The following ADAMTSL1 variants were observed in gnomAD, a reference collection of about 807,000 sequenced individuals.
The protein encoded by ADAMTSL1 is ADAMTS like 1.
In ADAMTSL1, 126 loss-of-function variants were observed where a neutral mutation model predicts 201.8. The observed-to-expected ratio is 0.62, with a 90% CI of 0.54 to 0.72. The LOEUF is 0.72. ADAMTSL1 is among the 30% of genes least tolerant of loss of function. ADAMTSL1 has a pLI of 0.00. For synonymous variants in ADAMTSL1, 1,121 were observed against 903.4 expected (o/e 1.24, Z -4.32); for missense variants, 2,679 against 2,277.8 (o/e 1.18, Z -3.59).
intron 3 of ADAMTSL1, among the ~76,000 whole-genome samples, chr9:18,546,033 A>G (rs901392247): frequency 1.3e-5 from 2 of 152,182 alleles, no homozygotes; most frequent in African/African-American, 4.8e-5. Context: ...AAGGGCCATT[A>G]TTTAATTAGT....
At chr9:18,363,270 A>G (rs1043331194) in intron 2 of ADAMTSL1, among the ~76,000 whole-genome samples, 1 of 152,200 alleles carries the variant, frequency 6.6e-6, no homozygotes, top group Non-Finnish European at 1.5e-5. Flanking sequence ...TCCTGCCACA[A>G]ATTGTTGGCC....
Position 18,018,322 on chromosome 9 carries a change from T to C in ADAMTSL1, c.87+111400T>C, listed in dbSNP as rs114431125. Among the ~76,000 whole-genome samples the C allele has an allele frequency of 7.9e-3, 1,210 of 152,204 alleles. 14 individuals are homozygous for C. The highest frequency in any genetic ancestry group is 0.028 in the African/African-American group (1,165 of 41,558). ...AATCTTCATACAGACTCTGAGACAG[T>C]GTAGCAGACAACCTTTAAGACTGTC... On this transcript the variant is annotated intron_variant, in intron 1 of 29. Coordinates refer to the ADAMTSL1 transcript ENST00000680146.
chr9:18,429,846 G>A (rs1354898704), intron 2 of ADAMTSL1, among the ~76,000 whole-genome samples: 1 of 152,044 alleles, frequency 6.6e-6, no homozygotes, highest in Non-Finnish European at 1.5e-5. Flanking sequence ...CTGGAGTGCA[G>A]TGGTGCTATG....
intron 3 of ADAMTSL1, among the ~76,000 whole-genome samples, chr9:18,552,405 G>A (rs372721691): frequency 1.3e-5 from 2 of 151,498 alleles, no homozygotes; most frequent in Non-Finnish European, 1.5e-5. Context: ...TTTATTAATC[G>A]CTAACAATTG....
chr9:18,182,598 A>C (rs1384326185), intron 2 of ADAMTSL1, among the ~76,000 whole-genome samples: 2 of 152,202 alleles, frequency 1.3e-5, no homozygotes, highest in Non-Finnish European at 2.9e-5. Context: ...GTGAGAGATA[A>C]ATGGTTGAAC....
intron 1 of ADAMTSL1, among the ~76,000 whole-genome samples, chr9:18,494,361 A>G (rs1822420031): frequency 6.6e-6 from 1 of 152,096 alleles, no homozygotes; most frequent in Non-Finnish European, 1.5e-5. Context: ...AAAAAAAAAA[A>G]AACCAGGCCA....
At chr9:18,006,666 G>A (rs908098152) in intron 1 of ADAMTSL1, among the ~76,000 whole-genome samples, 1 of 151,978 alleles carries the variant, frequency 6.6e-6, no homozygotes. Flanking sequence ...TGAGGAGCTT[G>A]GATGGATTTG....
At chr9:18,346,135 T>A (rs1835703214) in intron 2 of ADAMTSL1, among the ~76,000 whole-genome samples, 1 of 152,320 alleles carries the variant, frequency 6.6e-6, no homozygotes, top group Admixed American at 6.5e-5. Flanking sequence ...TTTGTTTAAA[T>A]TTAACAAACA....
chr9:18,603,943 T>C (rs1239059294), intron 4 of ADAMTSL1, among the ~76,000 whole-genome samples: 1 of 152,234 alleles, frequency 6.6e-6, no homozygotes, highest in East Asian at 1.9e-4. Context: ...AGGCAATCTT[T>C]ACTTTCTGCA....
chr9:17,973,201 G>T (rs1009842602), intron 1 of ADAMTSL1, among the ~76,000 whole-genome samples: 5 of 151,506 alleles, frequency 3.3e-5, no homozygotes, highest in Admixed American at 6.6e-5. Context: ...GGCTTTTGTT[G>T]CCATTCCTTT....
At chr9:18,501,815 T>C (rs1479101789) in intron 1 of ADAMTSL1, among the ~76,000 whole-genome samples, 3 of 152,344 alleles carry the variant, frequency 2.0e-5, no homozygotes, top group East Asian at 3.9e-4. Flanking sequence ...AATAGACCTA[T>C]GACTTGCTTC....
At chr9:18,024,623 T>A (rs1820618855) in intron 1 of ADAMTSL1, among the ~76,000 whole-genome samples, 1 of 152,156 alleles carries the variant, frequency 6.6e-6, no homozygotes, top group African/African-American at 2.4e-5. Context: ...CATATAGTAT[T>A]CCACGGTGTA....
chr9:18,012,801 C>A (rs538692898), intron 1 of ADAMTSL1, among the ~76,000 whole-genome samples: 1 of 151,920 alleles, frequency 6.6e-6, no homozygotes, highest in Non-Finnish European at 1.5e-5. Context: ...TTTCTTGCTT[C>A]TCCTTAAATA....
chr9:17,980,867 G>A (rs1317844616), intron 1 of ADAMTSL1, among the ~76,000 whole-genome samples: 1 of 152,148 alleles, frequency 6.6e-6, no homozygotes. Context: ...CTTCTGATAG[G>A]GGCTTCAGGC....
At chr9:18,105,401 G>T (rs761593630) in intron 1 of ADAMTSL1, among the ~76,000 whole-genome samples, 47 of 152,110 alleles carry the variant, frequency 3.1e-4, no homozygotes, top group Non-Finnish European at 6.3e-4. Flanking sequence ...CCAACGACCA[G>T]TTCATGTTTT....
chr9:17,929,125 T>G (rs961258724), intron 1 of ADAMTSL1, among the ~76,000 whole-genome samples: 12 of 152,284 alleles, frequency 7.9e-5, no homozygotes, highest in African/African-American at 2.6e-4. Context: ...TTCTAACCTT[T>G]TTAAATATAA....
intron 2 of ADAMTSL1, among the ~76,000 whole-genome samples, chr9:18,360,887 AC>A (rs1469176032): frequency 6.6e-6 from 1 of 152,096 alleles, no homozygotes; most frequent in Non-Finnish European, 1.5e-5. Flanking sequence ...GGACTCCAAA[AC>A]AACCATTTTT....
At chr9:18,781,111 T>G (rs1821366256) in intron 19 of ADAMTSL1, among the ~76,000 whole-genome samples, 1 of 152,112 alleles carries the variant, frequency 6.6e-6, no homozygotes, top group Non-Finnish European at 1.5e-5. Context: ...CTCCAATGGC[T>G]TTAAGATGGA....
chr9:18,850,401 C>T (rs1012745954), intron 23 of ADAMTSL1, among the ~76,000 whole-genome samples: 7 of 152,226 alleles, frequency 4.6e-5, no homozygotes, highest in African/African-American at 1.7e-4. Flanking sequence ...CTCTGTGCCC[C>T]CTTGTGTTTG....
Sources: gnomAD v4.1 joint callset for allele counts (sites outside exome capture counted in the v4.1 genomes callset) on GRCh38, gnomAD v4.1.1 for gene constraint, MANE v1.5 for transcripts, NCBI Gene and HGNC (gene_info 2026-07-23, HGNC 2026-07-21) for gene names.